Variants in FARS2 observed in about 807,000 individuals in gnomAD.
FARS2 encodes the protein phenylalanyl-tRNA synthetase 2, mitochondrial, also known as phenylalanine--tRNA ligase, mitochondrial.
Under a neutral mutation model 46.4 loss-of-function variants are expected in FARS2, and 40 were observed. The observed-to-expected ratio is 0.86, with a 90% CI of 0.67 to 1.12. The LOEUF is 1.12. Ranked by LOEUF, FARS2 falls within the 50% of genes most tolerant of loss-of-function variation. The pLI, the probability that FARS2 is intolerant of heterozygous loss-of-function variation, is 0.00. For synonymous variants in FARS2, 234 were observed against 214.9 expected, an observed-to-expected ratio of 1.09 and a Z score of -0.78; for missense variants, 513 against 567.9, an observed-to-expected ratio of 0.90 and a Z score of 0.98.
At chr6:5,386,424 T>G (rs1487564828) in intron 2 of FARS2, among the ~76,000 whole-genome samples, 1 of 151,992 alleles carries the variant, frequency 6.6e-6, no homozygotes, top group African/African-American at 2.4e-5. Context: ...TTTACTAAAT[T>G]TTAAGGGGCC....
At chr6:5,763,775 T>G (rs571202167) in intron 6 of FARS2, among the ~76,000 whole-genome samples, 145 of 151,876 alleles carry the variant, frequency 9.5e-4, no homozygotes, top group African/African-American at 3.3e-3. Context: ...TTGGTTTTTT[T>G]TTTTTTTTTT....
intron 6 of FARS2, among the ~76,000 whole-genome samples, chr6:5,753,377 C>T (rs896844988): frequency 6.6e-6 from 1 of 152,150 alleles, no homozygotes; most frequent in Non-Finnish European, 1.5e-5. Flanking sequence ...AGCTCTGCTC[C>T]GTGCCTGCCA....
At chr6:5,757,382 G>T (rs997288999) in intron 6 of FARS2, among the ~76,000 whole-genome samples, 2 of 152,000 alleles carry the variant, frequency 1.3e-5, no homozygotes, top group Non-Finnish European at 2.9e-5. Flanking sequence ...GGAGCAAATA[G>T]CATCATTTCT....
intron 2 of FARS2, among the ~76,000 whole-genome samples, chr6:5,386,873 G>A (rs1760167500): frequency 6.6e-6 from 1 of 152,150 alleles, no homozygotes; most frequent in South Asian, 2.1e-4. Flanking sequence ...ACAGTCGCCT[G>A]GGGTGGAGGT....
At chr6:5,335,582 A>G (rs973741184) in intron 1 of FARS2, among the ~76,000 whole-genome samples, 5 of 152,204 alleles carry the variant, frequency 3.3e-5, no homozygotes, top group African/African-American at 1.2e-4. Flanking sequence ...GAATATTAAC[A>G]TGTTATTGAG....
chr6:5,554,995 G>C (rs531479932), intron 5 of FARS2, among the ~76,000 whole-genome samples: 2 of 152,208 alleles, frequency 1.3e-5, no homozygotes, highest in East Asian at 3.9e-4. Flanking sequence ...GTTTGGCTCT[G>C]TGTCCCCACC....
At chr6:5,374,221 G>A (rs1006777954) in intron 2 of FARS2, among the ~76,000 whole-genome samples, 4 of 151,860 alleles carry the variant, frequency 2.6e-5, no homozygotes, top group Admixed American at 6.6e-5. Context: ...CTTTCTATTC[G>A]TGCATACGTT....
chr6:5,752,011 G>A (rs1002982734), intron 6 of FARS2, among the ~76,000 whole-genome samples: 2 of 152,070 alleles, frequency 1.3e-5, no homozygotes, highest in African/African-American at 4.8e-5. Context: ...GCCCGGAGGT[G>A]GTTTAGTGAG....
intron 6 of FARS2, among the ~76,000 whole-genome samples, chr6:5,769,175 C>T (rs1762902262): frequency 6.6e-6 from 1 of 152,104 alleles, no homozygotes; most frequent in Admixed American, 6.5e-5. Context: ...GGTAGGGATT[C>T]AGCTTCATTC....
intron 1 of FARS2, among the ~76,000 whole-genome samples, chr6:5,318,239 G>A (rs1769683203): frequency 6.6e-6 from 1 of 151,964 alleles, no homozygotes; most frequent in African/African-American, 2.4e-5. Context: ...GGCACCTGTA[G>A]TTCCAGCTAC....
chr6:5,495,866 A>G (rs1308300923), intron 4 of FARS2, among the ~76,000 whole-genome samples: 2 of 152,232 alleles, frequency 1.3e-5, no homozygotes, highest in East Asian at 3.8e-4. Context: ...CAATTTGTGT[A>G]TCAGGCCTAA....
intron 1 of FARS2, among the ~76,000 whole-genome samples, chr6:5,287,509 G>T (rs150924281): frequency 6.6e-6 from 1 of 151,972 alleles, no homozygotes; most frequent in African/African-American, 2.4e-5. Context: ...TTGCTCTCCC[G>T]TGTCCCTGAA....
At chr6:5,619,232 G>T (rs1775635557) in intron 6 of FARS2, among the ~76,000 whole-genome samples, 1 of 152,184 alleles carries the variant, frequency 6.6e-6, no homozygotes, top group Non-Finnish European at 1.5e-5. Context: ...CTTTAAGACA[G>T]ACCTTTTTGA....
intron 6 of FARS2, among the ~76,000 whole-genome samples, chr6:5,758,308 A>G (rs1762313243): frequency 2.6e-5 from 4 of 152,294 alleles, no homozygotes; most frequent in Admixed American, 2.0e-4. Flanking sequence ...ATATTAATCA[A>G]TTAGATTACT....
At chr6:5,361,178 G>A (rs1421642650) in intron 1 of FARS2, among the ~76,000 whole-genome samples, 5 of 152,144 alleles carry the variant, frequency 3.3e-5, no homozygotes, top group Non-Finnish European at 7.4e-5. Flanking sequence ...AGATCATATC[G>A]TACATACAAT....
intron 6 of FARS2, among the ~76,000 whole-genome samples, chr6:5,734,176 G>A (rs995547053): frequency 1.3e-5 from 2 of 152,172 alleles, no homozygotes; most frequent in Non-Finnish European, 2.9e-5. Context: ...ATTCTAGAAA[G>A]CTAGGCTGGA....
At chr6:5,474,362 G>A (rs564344012) in intron 4 of FARS2, among the ~76,000 whole-genome samples, 1 of 152,344 alleles carries the variant, frequency 6.6e-6, no homozygotes, top group Admixed American at 6.5e-5. Context: ...CAAATTTTAT[G>A]CTGAAGGTGT....
chr6:5,416,723 T>C (rs555607661), intron 3 of FARS2, among the ~76,000 whole-genome samples: 1 of 152,236 alleles, frequency 6.6e-6, no homozygotes, highest in Non-Finnish European at 1.5e-5. Flanking sequence ...GGATTAATTG[T>C]ATTTTTTATT....
At chr6:5,498,928 C>CA in intron 4 of FARS2, among the ~76,000 whole-genome samples, 1 of 152,096 alleles carries the variant, frequency 6.6e-6, no homozygotes. Flanking sequence ...GATGGAGTCT[C>CA]ACTCTGTCAC....
Sources: gnomAD v4.1 joint callset for allele counts (sites outside exome capture counted in the v4.1 genomes callset) on GRCh38, gnomAD v4.1.1 for gene constraint, MANE v1.5 for transcripts, NCBI Gene and HGNC (gene_info 2026-07-23, HGNC 2026-07-21) for gene names.